The following SACS variants were observed in gnomAD, a reference collection of about 807,000 sequenced individuals.
SACS encodes sacsin.
A neutral mutation model predicts 348.0 loss-of-function variants in SACS; 197 were observed. The observed-to-expected ratio is 0.57, with a 90% CI of 0.50 to 0.64. SACS has a LOEUF of 0.64. SACS is among the 30% of genes least tolerant of loss of function. SACS has a pLI of 0.00. For missense variants in SACS, 4,999 were observed against 5,360.8 expected (o/e 0.93, Z 2.11); for synonymous variants, 1,985 against 1,910.6 (o/e 1.04, Z -1.02).
chr13:23,381,275 T>A (rs146489145), intron 2 of SACS, among the ~76,000 whole-genome samples: 126 of 151,658 alleles, frequency 8.3e-4, no homozygotes, highest in Admixed American at 2.7e-3. Context: ...TGTCCTGAGG[T>A]CTCTCTTCAG....
chr13:23,417,321 A>G (rs1333404214), intron 1 of SACS, among the ~76,000 whole-genome samples: 1 of 152,254 alleles, frequency 6.6e-6, no homozygotes, highest in East Asian at 1.9e-4. Flanking sequence ...GCAACCTTGC[A>G]GAATAAAAAC....
Position 23,339,721 on chromosome 13 carries a change from T to TTTGCTA in SACS, c.4149_4154dup (p.Ser1384_Lys1385insAsnSer), listed in dbSNP as rs1376820686. The TTTGCTA allele has an allele frequency of 3.1e-6, 5 of 1,614,010 alleles. No individual in the cohort carries two copies. In the African/African-American group the frequency reaches 6.7e-5, roughly 22 times the overall value. ...GCTTCATGATAAGTTTAGAAGGATTTTTGCTATGATGTATAGGAACTGGTG... is the reference window on the plus strand; with the variant it reads ...GCTTCATGATAAGTTTAGAAGGATTTTTGCTATTGCTATGATGTATAGGAACTGGTG... On this transcript the variant is annotated inframe_insertion, in exon 10 of 10. Coordinates refer to ENST00000382292, the MANE Select transcript of SACS (RefSeq NM_014363.6).
chr13:23,430,892 G>T (rs1266657703), intron 1 of SACS, among the ~76,000 whole-genome samples: 3 of 152,130 alleles, frequency 2.0e-5, no homozygotes, highest in Non-Finnish European at 4.4e-5. Context: ...GTGTCACCTT[G>T]GGTTTCACAT....
At chr13:23,423,890 T>G (rs979451988) in intron 1 of SACS, among the ~76,000 whole-genome samples, 12 of 152,186 alleles carry the variant, frequency 7.9e-5, no homozygotes, top group African/African-American at 2.9e-4. Flanking sequence ...AAGCACTCAT[T>G]TTTTAGAACC....
intron 5 of SACS, among the ~76,000 whole-genome samples, chr13:23,367,373 C>T (rs558762947): frequency 6.6e-5 from 10 of 152,146 alleles, no homozygotes; most frequent in African/African-American, 2.2e-4. Context: ...AGACCTAGTC[C>T]TGATTCCCTC....
At chr13:23,357,399 T>C (rs1870462575) in intron 7 of SACS, among the ~76,000 whole-genome samples, 1 of 152,208 alleles carries the variant, frequency 6.6e-6, no homozygotes, top group Non-Finnish European at 1.5e-5. Flanking sequence ...AGAATATATA[T>C]GTATGAATGT....
intron 2 of SACS, among the ~76,000 whole-genome samples, chr13:23,409,216 C>T (rs1160427105): frequency 6.7e-6 from 1 of 148,808 alleles, no homozygotes; most frequent in East Asian, 2.1e-4. Flanking sequence ...ACCACCACGC[C>T]CAGCTAGTTT....
Position 23,331,898 on chromosome 13 carries a change from C to A in SACS, c.11978G>T (p.Gly3993Val). Reference sequence around the variant, plus strand: ...TCTTCCTTGAAGAGAACACAACGCTCCAAACTGACAAACTTTGGGAGTCTC... The same window carrying A: ...TCTTCCTTGAAGAGAACACAACGCTACAAACTGACAAACTTTGGGAGTCTC... ...DEETPKVCQF[G>V]ALCSLQGRLQ... is the part of the protein sequence containing the mutation. The change falls in exon 10 of 10, where the codon GGA (glycine) becomes GTA (valine). Residue 3993 changes from glycine (G) to valine (V), a missense_variant. Physicochemically the swap from Gly to Val is moderately radical, Grantham distance 109. Coordinates refer to ENST00000382292, the MANE Select transcript of SACS (RefSeq NM_014363.6). The A allele has an allele frequency of 6.2e-7, 1 of 1,614,048 alleles. No homozygotes were observed. Among genetic ancestry groups the A allele is most frequent in the Non-Finnish European group, 8.5e-7 (1 of 1,179,940 alleles).
rs1251124901 is a variant in SACS, at chr13:23,333,295, G to A, written c.10581C>T (p.Ile3527=). 1 of 1,605,378 alleles carries A rather than the reference G, an allele frequency of 6.2e-7. No homozygotes were observed. The highest frequency in any genetic ancestry group is 1.3e-5 in the African/African-American group (1 of 74,418). Residue 3527 remains isoleucine (I), a synonymous_variant, in exon 10 of 10, where the codon ATC becomes ATT. Coordinates refer to ENST00000382292, the MANE Select transcript of SACS (RefSeq NM_014363.6). ...LFEKLESLLI[I]HDANSRLKQA... is the part of the protein sequence containing the mutation. Reference sequence around the variant, plus strand: ...GCTTTAGTCTACTGTTAGCATCATGGATTATCAATAAACTTTCCAGTTTTT... The same window carrying A: ...GCTTTAGTCTACTGTTAGCATCATGAATTATCAATAAACTTTCCAGTTTTT...
chr13:23,352,071 C>T (rs1869992711), intron 9 of SACS, among the ~76,000 whole-genome samples: 1 of 152,172 alleles, frequency 6.6e-6, no homozygotes, highest in Non-Finnish European at 1.5e-5. Flanking sequence ...ACACTCTGTG[C>T]CACAAGATAT....
At chr13:23,344,137 G>C (rs182939682) in intron 9 of SACS, among the ~76,000 whole-genome samples, 1 of 151,840 alleles carries the variant, frequency 6.6e-6, no homozygotes, top group Non-Finnish European at 1.5e-5. Context: ...AACTATAATG[G>C]AATATCCAAA....
intron 1 of SACS, among the ~76,000 whole-genome samples, chr13:23,416,282 A>G (rs1873689475): frequency 7.2e-6 from 1 of 138,106 alleles, no homozygotes; most frequent in Non-Finnish European, 1.7e-5. Flanking sequence ...CTCCATCTCA[A>G]AAAAGGAATT....
rs781383561 is a variant in SACS, at chr13:23,336,272, A to G, written c.7604T>C (p.Ile2535Thr). 6.2e-7 allele frequency: 1 copy of G among 1,614,090 alleles called. No individual in the cohort carries two copies. The highest frequency in any genetic ancestry group is 8.5e-7 in the Non-Finnish European group (1 of 1,179,960). The change falls in exon 10 of 10, where the codon ATC becomes ACC. Residue 2535 changes from isoleucine to threonine, a missense_variant. Physicochemically the swap from Ile to Thr is moderately conservative, Grantham distance 89 (BLOSUM62 -1). Coordinates refer to ENST00000382292, the MANE Select transcript of SACS (RefSeq NM_014363.6). ...KEKLTSRIKS[I>T]LNAYPSEKEM... ...CTTTTCAGAAGGATATGCATTAAGG[A>G]TGCTCTTAATTCTGCTGGTCAATTT...
At chr13:23,353,970 CTATTT>C (rs1434566316) in intron 8 of SACS, 94 bp from the exon 9 acceptor site, 8 of 793,266 alleles carry the variant, frequency 1.0e-5, no homozygotes, top group East Asian at 2.5e-5. Context: ...GTTAAGCCGA[CTATTT>C]TATTTTACAT....
At chr13:23,364,437 C>A (rs1057419097) in intron 6 of SACS, among the ~76,000 whole-genome samples, 3 of 152,000 alleles carry the variant, frequency 2.0e-5, no homozygotes, top group African/African-American at 4.8e-5. Context: ...TCTGCCACCA[C>A]GCCCAGCTAA....
At chr13:23,377,052 CAT>C (rs1420751881) in intron 2 of SACS, among the ~76,000 whole-genome samples, 2 of 152,178 alleles carry the variant, frequency 1.3e-5, no homozygotes, top group African/African-American at 2.4e-5. Context: ...CTGAAGACCA[CAT>C]GTTGTATGAT....
rs1883366536 is a variant in SACS at position 23,330,026 on chromosome 13, G to A, written c.*110C>T. 1.0e-6 allele frequency: 1 copy of A among 968,852 alleles called. No individual in the cohort carries two copies. The highest frequency in any genetic ancestry group is 1.6e-5 in the African/African-American group (1 of 61,992). The allele number at this position is 968,852 out of a possible 1,614,324, so 60.0% of individuals were successfully genotyped here. Reference sequence around the variant, plus strand: ...CTCCAGAATTCTCCAAGAACAATCTGCAATGTGCTTAACAATTCCTAGCTA... The same window carrying A: ...CTCCAGAATTCTCCAAGAACAATCTACAATGTGCTTAACAATTCCTAGCTA... On this transcript the variant is annotated 3_prime_UTR_variant, in exon 10 of 10. Transcript: ENST00000382292.
Position 23,336,007 on chromosome 13 carries a change from T to C in SACS, c.7869A>G (p.Gly2623=). 6.2e-7 allele frequency: 1 copy of C among 1,613,146 alleles called. No homozygotes were observed. The highest frequency in any genetic ancestry group is 8.5e-7 in the Non-Finnish European group (1 of 1,179,170). The change falls in exon 10 of 10, where the codon GGA becomes GGG. Residue 2623 remains glycine, a synonymous_variant. Transcript: ENST00000382292. ...EGNPYKTGQY[G]IGFNSVYHIT... ...TATGATACACAGAATTGAATCCTAT[T>C]CCATACTGTCCAGTTTTATAAGGAT...
chr13:23,338,292 T>C lies in SACS; in HGVS notation c.5584A>G (p.Thr1862Ala). ...QLSEIQDQKW[T>A]VKPHIGEVFC... ...ACCTCTCCAATGTGTGGTTTCACTG[T>C]CCACTTCTGGTCCTGGATTTCTGAC... The change falls in exon 10 of 10, where the codon ACA (threonine) becomes GCA (alanine). Residue 1862 changes from threonine to alanine, a missense_variant. Coordinates refer to ENST00000382292, the MANE Select transcript of SACS (RefSeq NM_014363.6). 4 of 1,614,138 alleles carry C rather than the reference T, an allele frequency of 2.5e-6. No homozygotes were observed. Among genetic ancestry groups the C allele is most frequent in the Non-Finnish European group, 3.4e-6 (4 of 1,179,996 alleles).
Sources: gnomAD v4.1 joint callset for allele counts (sites outside exome capture counted in the v4.1 genomes callset) on GRCh38, gnomAD v4.1.1 for gene constraint, MANE v1.5 for transcripts, NCBI Gene and HGNC (gene_info 2026-07-23, HGNC 2026-07-21) for gene names.